Variants in CDC20B observed in about 807,000 individuals in gnomAD.
The protein encoded by CDC20B is cell division cycle 20B.
Under a neutral mutation model 64.1 loss-of-function variants are expected in CDC20B, and 58 were observed. The observed-to-expected ratio is 0.90, with a 90% CI of 0.73 to 1.13. CDC20B has a LOEUF of 1.13. Ranked by LOEUF, CDC20B falls within the 50% of genes most tolerant of loss-of-function variation. The probability of loss-of-function intolerance (pLI) is 0.00; values close to 1 mark genes in which losing one functional copy is unlikely to be tolerated. For missense variants in CDC20B, 597 were observed against 633.0 expected (o/e 0.94, Z 0.61); for synonymous variants, 243 against 230.6 (o/e 1.05, Z -0.49).
intron 2 of CDC20B, among the ~76,000 whole-genome samples, chr5:55,162,100 A>T (rs1744101581): frequency 6.6e-6 from 1 of 151,316 alleles, no homozygotes; most frequent in African/African-American, 2.4e-5. Flanking sequence ...CAAAAAAAAA[A>T]AAAAAAAAAA....
intron 2 of CDC20B, among the ~76,000 whole-genome samples, chr5:55,171,025 A>C (rs1369420748): frequency 6.6e-6 from 1 of 152,262 alleles, no homozygotes; most frequent in Non-Finnish European, 1.5e-5. Context: ...AAAGTTACTT[A>C]ACTGTAGGCT....
intron 3 of CDC20B, among the ~76,000 whole-genome samples, chr5:55,145,991 ATG>A (rs1937600693): frequency 6.6e-6 from 1 of 152,290 alleles, no homozygotes; most frequent in East Asian, 1.9e-4. Context: ...GCACATATAT[ATG>A]TGTGTATGTG....
At chr5:55,133,367 T>A (rs1298363157) in intron 6 of CDC20B, 45 bp downstream of exon 6, 1 of 989,816 alleles carries the variant, frequency 1.0e-6, no homozygotes, top group African/African-American at 1.6e-5. Flanking sequence ...ACAGGATGCA[T>A]TTTGTCATTT....
chr5:55,115,878 G>GCA (rs150038954), intron 11 of CDC20B, among the ~76,000 whole-genome samples: 7 of 151,362 alleles, frequency 4.6e-5, no homozygotes, highest in South Asian at 2.1e-4. Flanking sequence ...GCATGCGCAA[G>GCA]CACACACACA....
At chr5:55,149,748 T>C (rs1477065568) in intron 2 of CDC20B, among the ~76,000 whole-genome samples, 1 of 152,182 alleles carries the variant, frequency 6.6e-6, no homozygotes, top group Middle Eastern at 3.2e-3. Context: ...TGGAGTTTTC[T>C]TTTGAGGTGA....
chr5:55,169,317 T>C (rs1031509241), intron 2 of CDC20B, among the ~76,000 whole-genome samples: 5 of 152,238 alleles, frequency 3.3e-5, no homozygotes, highest in Non-Finnish European at 7.3e-5. Context: ...AAAATTATTT[T>C]ACCAATAACT....
chr5:55,135,879 T>C (rs904013933), intron 5 of CDC20B: 4 of 152,000 alleles, frequency 2.6e-5, no homozygotes, highest in African/African-American at 7.2e-5. Flanking sequence ...GACACCTCTG[T>C]ATTTAGAAGT....
chr5:55,155,092 T>C (rs753966534), intron 2 of CDC20B, among the ~76,000 whole-genome samples: 50 of 152,020 alleles, frequency 3.3e-4, no homozygotes, highest in Non-Finnish European at 6.5e-4. Flanking sequence ...AAGAGGAAGA[T>C]AAGAAAAGTA....
At chr5:55,149,052 T>A (rs2935260) in intron 2 of CDC20B, among the ~76,000 whole-genome samples, 118,658 of 152,148 alleles carry the variant, frequency 0.78, 46,891 homozygotes, top group Admixed American at 0.87. Flanking sequence ...AGAGACTAAG[T>A]GTTTACCAGT....
At position 55,173,084 on chromosome 5, in the gene CDC20B, AC is replaced by A; in HGVS notation, c.-85del. The A allele has an allele frequency of 7.9e-7, 1 of 1,266,368 alleles. No individual in the cohort carries two copies. Among genetic ancestry groups the A allele is most frequent in the South Asian group, 1.3e-5 (1 of 78,170 alleles). 78.4% of individuals were successfully genotyped at this position (1,266,368 alleles called of 1,614,324 possible). ...TCTTCCCAGGTCTAAGTCAGTCTTG[AC>A]GCCTAATCGTCAAACCCCTGGAGTC... On this transcript the variant is annotated 5_prime_UTR_variant, in exon 1 of 12. Coordinates refer to ENST00000381375, the MANE Select transcript of CDC20B (RefSeq NM_001170402.1).
intron 2 of CDC20B, chr5:55,170,670 G>A (rs1227758257): frequency 1.9e-6 from 1 of 534,666 alleles, no homozygotes; most frequent in Non-Finnish European, 3.8e-6. Context: ...AGAAGCAAGT[G>A]GCAGGGTAGT....
chr5:55,145,387 C>T (rs779553004), intron 3 of CDC20B, among the ~76,000 whole-genome samples: 1 of 152,190 alleles, frequency 6.6e-6, no homozygotes, highest in African/African-American at 2.4e-5. Context: ...GTTGGCACTT[C>T]TATTAACATT....
In CDC20B at chr5:55,131,948, C is replaced by T. The variant is rs1464033386; in HGVS notation, c.697+1464G>A. Among the ~76,000 whole-genome samples, 3 of 151,998 alleles carry T rather than the reference C, an allele frequency of 2.0e-5. 1 individual carries two copies. Among genetic ancestry groups the T allele is most frequent in the Admixed American group, 2.0e-4 (3 of 15,264 alleles). On this transcript the variant is annotated intron_variant, in intron 6 of 11. Coordinates refer to ENST00000381375, the MANE Select transcript of CDC20B (RefSeq NM_001170402.1). The stretch of plus-strand genomic sequence containing the variant: ...GGCATGGTGCACATGCCTGTAGCTA[C>T]ACGCCCAGCTACTCAAGAGGCTGAG...
At chr5:55,153,224 G>A (rs1252487283) in intron 2 of CDC20B, among the ~76,000 whole-genome samples, 1 of 114,882 alleles carries the variant, frequency 8.7e-6, no homozygotes, top group Non-Finnish European at 1.6e-5. Context: ...GGGCGATATA[G>A]CCAGACCTTG....
At chr5:55,127,126 G>A (rs1742911810) in intron 8 of CDC20B, 131 bp downstream of exon 8, 1 of 748,802 alleles carries the variant, frequency 1.3e-6, no homozygotes, top group Non-Finnish European at 2.2e-6. Flanking sequence ...GATCATACCT[G>A]ATATTAAGTC....
At chr5:55,163,668 G>A (rs1394980199) in intron 2 of CDC20B, among the ~76,000 whole-genome samples, 3 of 151,322 alleles carry the variant, frequency 2.0e-5, no homozygotes, top group Admixed American at 6.6e-5. Flanking sequence ...CACCACACCC[G>A]GCTAATTTTT....
intron 9 of CDC20B, among the ~76,000 whole-genome samples, chr5:55,120,974 TAAGAG>T (rs1349033663): frequency 6.6e-6 from 1 of 152,146 alleles, no homozygotes. Flanking sequence ...AGTGGTCAGA[TAAGAG>T]AAAAGAGAAC....
intron 2 of CDC20B, among the ~76,000 whole-genome samples, chr5:55,149,317 C>A (rs994439742): frequency 6.6e-6 from 1 of 152,078 alleles, no homozygotes; most frequent in African/African-American, 2.4e-5. Context: ...TTTGGTGATA[C>A]CTCAAAAAGA....
At chr5:55,161,208 T>C in intron 2 of CDC20B, 1 of 1,614,176 alleles carries the variant, frequency 6.2e-7, no homozygotes, top group African/African-American at 1.3e-5. Flanking sequence ...TTCCACAAGA[T>C]TAAGATTCTA....
Sources: allele counts gnomAD v4.1 joint callset (sites outside exome capture counted in the v4.1 genomes callset), GRCh38; gene constraint gnomAD v4.1.1; transcripts MANE v1.5; gene names NCBI Gene and HGNC (gene_info 2026-07-23, HGNC 2026-07-21).